The following ERP44 variants were observed in gnomAD, a reference collection of about 807,000 sequenced individuals.
ERP44 encodes endoplasmic reticulum protein 44.
A neutral mutation model predicts 53.4 loss-of-function variants in ERP44; 25 were observed. That is an observed-to-expected ratio of 0.47 (90% confidence interval 0.34 to 0.65). The LOEUF (loss-of-function observed/expected upper bound fraction) is 0.65. Among genes scored for constraint, ERP44 ranks in the 30% least tolerant of loss-of-function variants. The pLI, the probability that ERP44 is intolerant of heterozygous loss-of-function variation, is 0.01. For missense variants in ERP44, 338 were observed against 493.2 expected (o/e 0.69, Z 2.98); for synonymous variants, 145 against 161.2 (o/e 0.90, Z 0.76).
chr9:100,016,585 T>C, intron 7 of ERP44, 147 bp from the exon 8 acceptor site: 3 of 1,192,706 alleles, frequency 2.5e-6, no homozygotes, highest in Middle Eastern at 3.0e-4. Context: ...CACTGCAGCC[T>C]TGACCTCCTG....
intron 9 of ERP44, among the ~76,000 whole-genome samples, chr9:100,006,944 G>A (rs1830430140): frequency 6.6e-6 from 1 of 152,080 alleles, no homozygotes; most frequent in Non-Finnish European, 1.5e-5. Context: ...CAGATTATCA[G>A]GTTCTAGGCA....
Position 100,067,168 on chromosome 9 carries a change from GCTCTCC to G in ERP44, c.58-7002_58-6997del, listed in dbSNP as rs893188814. Among the ~76,000 whole-genome samples, 103 of 146,822 alleles carry G rather than the reference GCTCTCC, an allele frequency of 7.0e-4. 1 individual carries two copies. The Middle Eastern group carries it at 0.01, about 15-fold the overall frequency. On this transcript the variant is annotated intron_variant, in intron 1 of 11. Coordinates refer to ENST00000262455, the MANE Select transcript of ERP44 (RefSeq NM_015051.3). ...CGCTCTCGCTCTCGCTCTCCCTCTCGCTCTCCCTCTCCCTCTCCCTCTCCCCACGGT... is the reference window on the plus strand; with the variant it reads ...CGCTCTCGCTCTCGCTCTCCCTCTCGCTCTCCCTCTCCCTCTCCCCACGGT...
intron 10 of ERP44, among the ~76,000 whole-genome samples, chr9:99,998,107 G>T (rs1190415239): frequency 6.6e-6 from 1 of 152,216 alleles, no homozygotes; most frequent in African/African-American, 2.4e-5. Flanking sequence ...AAATCCGTGA[G>T]AATTCTGCTT....
intron 10 of ERP44, among the ~76,000 whole-genome samples, chr9:99,993,756 C>T (rs1830280821): frequency 6.6e-6 from 1 of 152,186 alleles, no homozygotes; most frequent in African/African-American, 2.4e-5. Flanking sequence ...TTTTTCCAAT[C>T]TACCCATCTG....
intron 10 of ERP44, among the ~76,000 whole-genome samples, chr9:99,995,728 A>C (rs1314226011): frequency 1.3e-5 from 2 of 152,188 alleles, no homozygotes; most frequent in Non-Finnish European, 2.9e-5. Context: ...GCTAAATAGT[A>C]TCCCATTGTG....
At chr9:99,999,128 A>T in intron 10 of ERP44, 1 of 612,506 alleles carries the variant, frequency 1.6e-6, no homozygotes, top group South Asian at 1.8e-5. Flanking sequence ...CACCTGAGGC[A>T]CAGTGTACCG....
intron 10 of ERP44, among the ~76,000 whole-genome samples, chr9:99,991,809 T>C (rs879126913): frequency 2.0e-5 from 3 of 151,418 alleles, no homozygotes; most frequent in Non-Finnish European, 2.9e-5. Flanking sequence ...ATCAAATAGA[T>C]GCAATAAAAA....
intron 10 of ERP44, among the ~76,000 whole-genome samples, chr9:100,001,829 A>G (rs2118625452): frequency 6.6e-6 from 1 of 152,258 alleles, no homozygotes; most frequent in South Asian, 2.1e-4. Flanking sequence ...TTAATTATTG[A>G]TGGGTAAAGA....
In ERP44 at chr9:100,001,389, T is replaced by C. The variant is rs148002706; in HGVS notation, c.1016+5117A>G. Among the ~76,000 whole-genome samples, 7 of 152,272 alleles carry C rather than the reference T, an allele frequency of 4.6e-5. No homozygotes were observed. The East Asian group carries it at 9.6e-4, about 21-fold the overall frequency. On this transcript the variant is annotated intron_variant, in intron 10 of 11. Coordinates refer to ENST00000262455, the MANE Select transcript of ERP44 (RefSeq NM_015051.3). The stretch of plus-strand genomic sequence containing the variant: ...GCTAAAACTATTTAAGTCCAAAATT[T>C]CCCTATTTTTCTGTCTGGATGATGT...
intron 1 of ERP44, among the ~76,000 whole-genome samples, chr9:100,079,066 A>G (rs1436471606): frequency 6.6e-6 from 1 of 152,134 alleles, no homozygotes; most frequent in African/African-American, 2.4e-5. Context: ...GAAGGATGCA[A>G]AGTATTAATC....
At chr9:100,057,565 G>C (rs1227199176) in intron 3 of ERP44, among the ~76,000 whole-genome samples, 1 of 152,162 alleles carries the variant, frequency 6.6e-6, no homozygotes, top group Non-Finnish European at 1.5e-5. Context: ...CTTTGAGTCG[G>C]GGGTGGAGAG....
intron 4 of ERP44, among the ~76,000 whole-genome samples, chr9:100,049,452 T>C (rs1272737433): frequency 6.6e-6 from 1 of 152,086 alleles, no homozygotes; most frequent in Non-Finnish European, 1.5e-5. Context: ...ATAAAAAATG[T>C]GTAATATTTG....
intron 4 of ERP44, among the ~76,000 whole-genome samples, chr9:100,026,896 C>T (rs758027912): frequency 3.3e-5 from 5 of 152,114 alleles, no homozygotes; most frequent in Admixed American, 1.3e-4. Context: ...CCACCTGTGT[C>T]CTAAGTATCA....
intron 8 of ERP44, among the ~76,000 whole-genome samples, chr9:100,010,901 CA>C (rs200594567): frequency 9.3e-4 from 109 of 117,694 alleles, no homozygotes; most frequent in Non-Finnish European, 8.7e-4. Flanking sequence ...AACTCCATCT[CA>C]AAAAAAAAAA....
chr9:100,089,580 CAAAAAAAAA>C (rs71498726), intron 1 of ERP44, among the ~76,000 whole-genome samples: 3 of 43,554 alleles, frequency 6.9e-5, no homozygotes, highest in Admixed American at 5.1e-4. Context: ...GACTCCATCT[CAAAAAAAAA>C]AAAAAAAAAA....
intron 1 of ERP44, among the ~76,000 whole-genome samples, chr9:100,071,095 T>TG (rs1366199224): frequency 6.9e-6 from 1 of 145,904 alleles, no homozygotes; most frequent in Non-Finnish European, 1.5e-5. Context: ...TATATAAGGT[T>TG]TTTTTTTTTT....
chr9:100,070,028 G>GA (rs1826282651), intron 1 of ERP44, among the ~76,000 whole-genome samples: 1 of 152,042 alleles, frequency 6.6e-6, no homozygotes. Flanking sequence ...TCAATGTGCG[G>GA]AAAAAAATTA....
chr9:100,043,447 C>T (rs1328604218), intron 4 of ERP44, among the ~76,000 whole-genome samples: 1 of 151,402 alleles, frequency 6.6e-6, no homozygotes, highest in Non-Finnish European at 1.5e-5. Context: ...CCTGATGTGA[C>T]TATTACGGAC....
chr9:100,041,718 A>G (rs1234311172), intron 4 of ERP44, among the ~76,000 whole-genome samples: 1 of 152,100 alleles, frequency 6.6e-6, no homozygotes, highest in Non-Finnish European at 1.5e-5. Context: ...AGACAGATAT[A>G]TCAGTGCAAC....
Sources: allele counts gnomAD v4.1 joint callset (sites outside exome capture counted in the v4.1 genomes callset), GRCh38; gene constraint gnomAD v4.1.1; transcripts MANE v1.5; gene names NCBI Gene and HGNC (gene_info 2026-07-23, HGNC 2026-07-21).